STARD13: variants seen among roughly 807,000 people sequenced by gnomAD.
The protein encoded by STARD13 is StAR related lipid transfer domain containing 13.
In STARD13, 62 loss-of-function variants were observed where a neutral mutation model predicts 106.4. That is an observed-to-expected ratio of 0.58 (90% confidence interval 0.48 to 0.72). STARD13 has a LOEUF of 0.72. STARD13 is among the 30% of genes least tolerant of loss of function. The pLI is 0.00. For synonymous variants in STARD13, 565 were observed against 553.0 expected, an observed-to-expected ratio of 1.02 and a Z score of -0.31; for missense variants, 1,387 against 1,424.0, an observed-to-expected ratio of 0.97 and a Z score of 0.42.
the STARD13 span, among the ~76,000 whole-genome samples, chr13:33,514,219 G>C: frequency 2.0e-5 from 3 of 152,168 alleles, no homozygotes. Context: ...TGTTCACAAA[G>C]TGTAATGGAG....
chr13:33,173,160 G>A (rs1463476912), intron 1 of STARD13, among the ~76,000 whole-genome samples: 1 of 152,180 alleles, frequency 6.6e-6, no homozygotes, highest in Non-Finnish European at 1.5e-5. Flanking sequence ...GTATATCAAA[G>A]GTGTTAACAT....
the STARD13 span, among the ~76,000 whole-genome samples, chr13:33,430,753 CT>C: frequency 6.6e-6 from 1 of 152,128 alleles, no homozygotes; most frequent in African/African-American, 2.4e-5. Flanking sequence ...AACAAAAATC[CT>C]GTCATTTGCA....
chr13:33,564,988 CAA>C, the STARD13 span, among the ~76,000 whole-genome samples: 15 of 47,228 alleles, frequency 3.2e-4, no homozygotes, highest in Admixed American at 5.0e-4. Flanking sequence ...GACTCTGTCT[CAA>C]AAAAAAAAAA....
chr13:33,493,027 C>T, the STARD13 span, among the ~76,000 whole-genome samples: 1 of 152,196 alleles, frequency 6.6e-6, no homozygotes, highest in Admixed American at 6.5e-5. Context: ...GAACAGGCAT[C>T]TCTTACTGCA....
chr13:33,276,716 A>G (rs1445492979), intron 1 of STARD13: 1 of 152,188 alleles, frequency 6.6e-6, no homozygotes, highest in Non-Finnish European at 1.5e-5. Context: ...GAGAATGCCT[A>G]CTTCAGCTCG....
the STARD13 span, among the ~76,000 whole-genome samples, chr13:33,427,972 A>T: frequency 6.6e-6 from 1 of 151,888 alleles, no homozygotes; most frequent in Non-Finnish European, 1.5e-5. Context: ...AAAAAAAAAA[A>T]ATTAGACACA....
intron 1 of STARD13, among the ~76,000 whole-genome samples, chr13:33,251,832 G>T (rs1033380693): frequency 5.9e-5 from 9 of 152,094 alleles, no homozygotes; most frequent in African/African-American, 2.2e-4. Flanking sequence ...ACCCTATTTA[G>T]CTTGTCAAGT....
chr13:33,259,517 C>G (rs1177391244), intron 1 of STARD13, among the ~76,000 whole-genome samples: 2 of 152,154 alleles, frequency 1.3e-5, no homozygotes, highest in Non-Finnish European at 2.9e-5. Flanking sequence ...TGCTTCCTTT[C>G]TTTTGACATT....
At chr13:33,410,249 C>T in the STARD13 span, among the ~76,000 whole-genome samples, 1 of 152,206 alleles carries the variant, frequency 6.6e-6, no homozygotes, top group Admixed American at 6.5e-5. Context: ...CTAGGATAAT[C>T]TGCCACCAGC....
the STARD13 span, among the ~76,000 whole-genome samples, chr13:33,595,773 T>C: frequency 2.9e-3 from 446 of 152,322 alleles, 1 homozygote; most frequent in African/African-American, 0.01. Context: ...TTAGCAATTA[T>C]GAAATGGCTA....
the STARD13 span, among the ~76,000 whole-genome samples, chr13:33,431,911 T>C: frequency 1.4e-4 from 21 of 152,304 alleles, no homozygotes; most frequent in East Asian, 1.4e-3. Context: ...GACGGAACCA[T>C]TACAAAGTAT....
the STARD13 span, chr13:33,661,204 G>T: frequency 9.2e-5 from 14 of 152,186 alleles, no homozygotes; most frequent in Admixed American, 6.5e-4. Context: ...TGAACTTGGT[G>T]ATATGGAGTG....
the STARD13 span, among the ~76,000 whole-genome samples, chr13:33,443,032 T>G: frequency 6.6e-6 from 1 of 152,150 alleles, no homozygotes; most frequent in Non-Finnish European, 1.5e-5. Context: ...ACAGTGGGGT[T>G]GGTTGCATAA....
chr13:33,117,170 G>A (rs893748958), intron 8 of STARD13, among the ~76,000 whole-genome samples: 1 of 152,146 alleles, frequency 6.6e-6, no homozygotes, highest in Non-Finnish European at 1.5e-5. Context: ...GTGCAGTGGT[G>A]CAATCTCCAC....
At chr13:33,490,824 C>T in the STARD13 span, among the ~76,000 whole-genome samples, 4 of 152,222 alleles carry the variant, frequency 2.6e-5, no homozygotes, top group African/African-American at 9.6e-5. Flanking sequence ...ACACTCAAGC[C>T]GTCTGCGGGT....
intron 1 of STARD13, among the ~76,000 whole-genome samples, chr13:33,183,917 A>G (rs191606205): frequency 6.6e-6 from 1 of 152,284 alleles, no homozygotes; most frequent in Non-Finnish European, 1.5e-5. Flanking sequence ...AGATGTGGGG[A>G]TGCTTTTAAT....
At chr13:33,236,976 G>GATAT (rs1889220772) in intron 1 of STARD13, among the ~76,000 whole-genome samples, 1 of 151,884 alleles carries the variant, frequency 6.6e-6, no homozygotes, top group African/African-American at 2.4e-5. Context: ...TCTTCCCTAG[G>GATAT]ATATATACCC....
At chr13:33,193,159 AT>A (rs1427386062) in intron 1 of STARD13, among the ~76,000 whole-genome samples, 1 of 152,226 alleles carries the variant, frequency 6.6e-6, no homozygotes, top group East Asian at 1.9e-4. Context: ...TCCTCACATA[AT>A]TTCTTCATTT....
intron 1 of STARD13, among the ~76,000 whole-genome samples, chr13:33,230,000 C>T (rs1050104940): frequency 6.6e-6 from 1 of 152,136 alleles, no homozygotes; most frequent in Non-Finnish European, 1.5e-5. Flanking sequence ...TGTGGCTGCT[C>T]CATTGGAGAG....
Sources: gnomAD v4.1 joint callset for allele counts (sites outside exome capture counted in the v4.1 genomes callset) on GRCh38, gnomAD v4.1.1 for gene constraint, MANE v1.5 for transcripts, NCBI Gene and HGNC (gene_info 2026-07-23, HGNC 2026-07-21) for gene names.